RSPH9: variants seen among roughly 807,000 people sequenced by gnomAD.
RSPH9 encodes the protein radial spoke head component 9.
In RSPH9, 27 loss-of-function variants were observed where a neutral mutation model predicts 27.0. That is an observed-to-expected ratio of 1.00 (90% CI 0.74 to 1.38). RSPH9 has a LOEUF of 1.38. Ranked by LOEUF, RSPH9 falls within the 40% of genes most tolerant of loss-of-function variation. RSPH9 has a pLI of 0.00. For synonymous variants in RSPH9, 145 were observed against 147.7 expected (o/e 0.98, Z 0.13); for missense variants, 347 against 357.4 (o/e 0.97, Z 0.24).
intron 3 of RSPH9, among the ~76,000 whole-genome samples, chr6:43,655,988 A>ACTGACTTC (rs1771971932): frequency 8.8e-6 from 1 of 113,616 alleles, no homozygotes; most frequent in Non-Finnish European, 1.8e-5. Context: ...TCCTCCTTGG[A>ACTGACTTC]CTTCCTTCCT....
chr6:43,666,868 C>T (rs1773186657), intron 4 of RSPH9, among the ~76,000 whole-genome samples: 1 of 152,216 alleles, frequency 6.6e-6, no homozygotes, highest in African/African-American at 2.4e-5. Context: ...CTGCCTCCGT[C>T]TCCCAAGTAG....
intron 4 of RSPH9, among the ~76,000 whole-genome samples, chr6:43,664,658 C>T (rs2127925920): frequency 6.6e-6 from 1 of 152,330 alleles, no homozygotes; most frequent in South Asian, 2.1e-4. Flanking sequence ...GCCATTTGGG[C>T]TTCCATCATA....
At chr6:43,663,351 C>T (rs944852940) in intron 4 of RSPH9, among the ~76,000 whole-genome samples, 6 of 151,866 alleles carry the variant, frequency 4.0e-5, no homozygotes, top group Admixed American at 1.3e-4. Flanking sequence ...CCTGAGTAGC[C>T]GGGATTATAG....
rs1430506818 is a variant in RSPH9 at position 43,671,257 on chromosome 6, C to G, written c.*308C>G. On this transcript the variant is annotated 3_prime_UTR_variant, in exon 5 of 5. Coordinates refer to ENST00000372163, the MANE Select transcript of RSPH9 (RefSeq NM_152732.5). ...GAGAGCGGCAAGTGTGTCAGGCAGCCCACCTTGGCTCCCTGCAGCTCTCCC... is the reference window on the plus strand; with the variant it reads ...GAGAGCGGCAAGTGTGTCAGGCAGCGCACCTTGGCTCCCTGCAGCTCTCCC... 2 of 512,340 alleles carry G rather than the reference C, an allele frequency of 3.9e-6. No individual in the cohort carries two copies. The highest frequency in any genetic ancestry group is 7.0e-6 in the Non-Finnish European group (2 of 283,962). 31.7% of individuals were successfully genotyped at this position (512,340 alleles called of 1,614,324 possible).
chr6:43,645,475 G>T, intron 1 of RSPH9, 150 bp downstream of exon 1: 5 of 747,704 alleles, frequency 6.7e-6, no homozygotes, highest in Non-Finnish European at 1.1e-5. Context: ...GGGAGACCCT[G>T]GGGGGCGGGC....
rs1773666723 is a variant in RSPH9, at chr6:43,670,944, C to T, written c.826C>T (p.Leu276=). Reference sequence around the variant, plus strand: ...GAAGAACATGGACTTGCCCTTCATGCTATAGAATGGGAGCCAGCCTGGATG... The same window carrying T: ...GAAGAACATGGACTTGCCCTTCATGTTATAGAATGGGAGCCAGCCTGGATG... ...GEKNMDLPFM[L] is the part of the protein sequence containing the mutation. Residue 276 remains leucine, a synonymous_variant, in exon 5 of 5, where the codon CTA becomes TTA. Coordinates refer to ENST00000372163, the MANE Select transcript of RSPH9 (RefSeq NM_152732.5). The T allele has an allele frequency of 1.2e-6, 2 of 1,614,028 alleles. No individual in the cohort carries two copies. The highest frequency in any genetic ancestry group is 1.1e-5 in the South Asian group (1 of 91,082).
In RSPH9 at chr6:43,655,600, T is replaced by C. The variant is rs1250149175; in HGVS notation, c.432T>C (p.Ile144=). The C allele has an allele frequency of 6.2e-7, 1 of 1,614,164 alleles. No homozygotes were observed. Among genetic ancestry groups the C allele is most frequent in the East Asian group, 2.2e-5 (1 of 44,880 alleles). Residue 144 remains isoleucine, a synonymous_variant, in exon 3 of 5, where the codon ATT becomes ATC. Coordinates refer to ENST00000372163, the MANE Select transcript of RSPH9 (RefSeq NM_152732.5). ...IKEETRLVSV[I]DQIDKAVAII... ...AAGAGACCCGCTTGGTGTCTGTCAT[T>C]GACCAGATTGACAAGGCTGTGGCCA... is the stretch of plus-strand genomic sequence containing the variant.
At chr6:43,667,637 C>G (rs1478671018) in intron 4 of RSPH9, among the ~76,000 whole-genome samples, 2 of 152,206 alleles carry the variant, frequency 1.3e-5, no homozygotes, top group Non-Finnish European at 2.9e-5. Flanking sequence ...CGGGGCCTGC[C>G]TTTGCTACTC....
Position 43,656,020 on chromosome 6 carries a change from CCTTCCTTCCTTCCTTCCCCTTCTTT to C in RSPH9, c.523+331_523+355del, listed in dbSNP as rs1287701817. Among the ~76,000 whole-genome samples the C allele has an allele frequency of 5.3e-5, 7 of 132,736 alleles. 1 individual carries two copies. The highest frequency in any genetic ancestry group is 2.9e-4 in the Admixed American group (4 of 13,902). The allele number at this position is 132,736 out of a possible 152,430, so 87.1% of individuals were successfully genotyped here. ...TCCTTCCTTCCTTCCTTCCTTCCTT[CCTTCCTTCCTTCCTTCCCCTTCTTT>C]CCCTTCTTTCCCTTCTTTCCCTCCT... is the stretch of plus-strand genomic sequence containing the variant. On this transcript the variant is annotated intron_variant, in intron 3 of 4. Transcript: ENST00000372163.
intron 4 of RSPH9, among the ~76,000 whole-genome samples, chr6:43,668,374 G>C (rs747832): frequency 0.099 from 15,114 of 152,126 alleles, 1,266 homozygotes; most frequent in African/African-American, 0.23. Flanking sequence ...GCGAGGGAGG[G>C]AGGCAGTGCT....
In RSPH9 at chr6:43,672,456, AG is replaced by A. The variant is rs1182706652; in HGVS notation, c.*1513del. 26 of 470,066 alleles carry A rather than the reference AG, an allele frequency of 5.5e-5. 1 individual carries two copies. In the East Asian group the frequency reaches 1.3e-3, roughly 23 times the overall value. The allele number at this position is 470,066 out of a possible 1,614,324, so 29.1% of individuals were successfully genotyped here. ...GCCTAGGAAGGTTCCTGTAAATAGG[AG>A]GGGGGTGGGGAAAGATGGCTGCCGC... On this transcript the variant is annotated 3_prime_UTR_variant, in exon 5 of 5. Coordinates refer to ENST00000372163, the MANE Select transcript of RSPH9 (RefSeq NM_152732.5).
At chr6:43,656,770 A>G in intron 4 of RSPH9, 47 bp downstream of exon 4, 1 of 1,601,524 alleles carries the variant, frequency 6.2e-7, no homozygotes, top group Non-Finnish European at 8.5e-7. Context: ...CTCAGGCCAT[A>G]GCAGTGGGCC....
At chr6:43,670,739 G>C (rs781527232) in intron 4 of RSPH9, 50 bp from the exon 5 acceptor site, 8 of 1,572,466 alleles carry the variant, frequency 5.1e-6, no homozygotes, top group Non-Finnish European at 4.4e-6. Flanking sequence ...GAAGGGCAGA[G>C]CTGTGGCTCC....
chr6:43,650,114 A>C (rs781503641), intron 1 of RSPH9, among the ~76,000 whole-genome samples: 12 of 152,128 alleles, frequency 7.9e-5, no homozygotes, highest in Non-Finnish European at 1.8e-4. Context: ...GGGTTTCACC[A>C]TGTTGGCCAG....
chr6:43,647,604 A>G lies in RSPH9; in HGVS notation c.227+2279A>G, dbSNP rs1014848921. On this transcript the variant is annotated intron_variant, in intron 1 of 4. Transcript: ENST00000372163. ...GCTGAGTAAGTTAAGTACCAGCACC[A>G]CTCAGTAGGAGAGAATTCAGGGGCA... Among the ~76,000 whole-genome samples, 3 of 152,190 alleles carry G rather than the reference A, an allele frequency of 2.0e-5. No homozygotes were observed. The East Asian group carries it at 5.8e-4, about 29-fold the overall frequency.
At chr6:43,670,655 G>T in intron 4 of RSPH9, 134 bp from the exon 5 acceptor site, 1 of 686,220 alleles carries the variant, frequency 1.5e-6, no homozygotes. Flanking sequence ...AGCATCTGGA[G>T]AATTAAATGG....
chr6:43,659,731 A>T (rs1772415456), intron 4 of RSPH9, among the ~76,000 whole-genome samples: 1 of 147,324 alleles, frequency 6.8e-6, no homozygotes, highest in Non-Finnish European at 1.5e-5. Flanking sequence ...ATTTTTATTT[A>T]TTATTATTAT....
intron 4 of RSPH9, among the ~76,000 whole-genome samples, chr6:43,665,845 G>T (rs1280077039): frequency 1.3e-5 from 2 of 151,608 alleles, no homozygotes; most frequent in Non-Finnish European, 2.9e-5. Context: ...ATTTGACAGG[G>T]TCTCACTCTG....
intron 2 of RSPH9, among the ~76,000 whole-genome samples, chr6:43,653,829 A>T (rs1037415624): frequency 6.6e-6 from 1 of 152,030 alleles, no homozygotes; most frequent in African/African-American, 2.4e-5. Flanking sequence ...AGTAACTGGG[A>T]TTACAGGCAT....
Sources: allele counts gnomAD v4.1 joint callset (sites outside exome capture counted in the v4.1 genomes callset), GRCh38; gene constraint gnomAD v4.1.1; transcripts MANE v1.5; gene names NCBI Gene and HGNC (gene_info 2026-07-23, HGNC 2026-07-21).